MRC2: variants seen among roughly 807,000 people sequenced by gnomAD.
The protein encoded by MRC2 is mannose receptor C-type 2.
MRC2 carries 84 observed loss-of-function variants against 206.2 expected under a neutral mutation model. That is an observed-to-expected ratio of 0.41 (90% CI 0.34 to 0.49). MRC2 has a LOEUF of 0.49. Ranked by LOEUF, MRC2 falls within the 20% of genes least tolerant of loss-of-function variation. MRC2 has a pLI of 0.31. For missense variants in MRC2, 1,676 were observed against 2,001.5 expected, an observed-to-expected ratio of 0.84 and a Z score of 3.10; for synonymous variants, 798 against 800.0, an observed-to-expected ratio of 1.00 and a Z score of 0.04.
rs114906991 is a variant in MRC2 at position 62,655,004 on chromosome 17, G to A, written c.119-9544G>A. Among the ~76,000 whole-genome samples, 914 of 152,312 alleles carry A rather than the reference G, an allele frequency of 6.0e-3. 11 individuals carry two copies. Among genetic ancestry groups the A allele is most frequent in the African/African-American group, 0.02 (847 of 41,564 alleles). The stretch of plus-strand genomic sequence containing the variant: ...ACAAAAAGTAAAAACAATTAGCTGG[G>A]GCTGCGTGCGGTGGCTCACACCTGT... On this transcript the variant is annotated intron_variant, in intron 1 of 29. Transcript: ENST00000303375.
In MRC2 at chr17:62,667,250, C is replaced by A; in HGVS notation, c.974-140C>A. ...GAGGACCCCGTGGTCTGGGGCGGAG[C>A]TGGAGCTGAGCACCAGGCTTCCCGA... On this transcript the variant is annotated intron_variant, in intron 5 of 29. Transcript: ENST00000303375. This position sits in a 1 kb window ranked among gnomAD's most constrained non-coding sequence, Gnocchi z 4.1. The A allele has an allele frequency of 8.8e-7, 1 of 1,137,872 alleles. No homozygotes were observed. Among genetic ancestry groups the A allele is most frequent in the African/African-American group, 1.6e-5 (1 of 64,072 alleles). The allele number at this position is 1,137,872 out of a possible 1,614,324, so 70.5% of individuals were successfully genotyped here. A position where few individuals can be genotyped will look rare whatever the true frequency, so the allele number is the denominator to read the frequency against.
At position 62,690,650 on chromosome 17, in the gene MRC2, G is replaced by A. The variant is rs754120509; in HGVS notation, c.3901G>A (p.Ala1301Thr). 1.2e-6 allele frequency: 2 copies of A among 1,608,164 alleles called. No individual in the cohort carries two copies. Among genetic ancestry groups the A allele is most frequent in the East Asian group, 2.2e-5 (1 of 44,804 alleles). ...ARQRCQRAGGAVLSILDEMEN... is the reference protein window; with the variant it reads ...ARQRCQRAGGTVLSILDEMEN... Reference sequence around the variant, plus strand: ...GCCTTCTTTGCATCCAGCGGGTGGGGCCGTCCTGTCTATCCTGGATGAGAT... The same window carrying A: ...GCCTTCTTTGCATCCAGCGGGTGGGACCGTCCTGTCTATCCTGGATGAGAT... The change falls in exon 27 of 30, where the codon GCC becomes ACC. Residue 1301 changes from alanine (A) to threonine (T), a missense_variant. Ala to Thr is a moderately conservative substitution (Grantham distance 58). Coordinates refer to ENST00000303375, the MANE Select transcript of MRC2 (RefSeq NM_006039.5).
In MRC2 at chr17:62,675,807, C is replaced by G; in HGVS notation, c.1587C>G (p.Ser529Arg). 1 of 1,614,146 alleles carries G rather than the reference C, an allele frequency of 6.2e-7. No individual in the cohort carries two copies. Among genetic ancestry groups the G allele is most frequent in the Non-Finnish European group, 8.5e-7 (1 of 1,179,974 alleles). Residue 529 changes from serine to arginine, a missense_variant, in exon 10 of 30, where the codon AGC becomes AGG. Physicochemically the swap from Ser to Arg is moderately radical, Grantham distance 110. Around this residue, in one of 3 missense-constraint regions of MRC2, gnomAD observed 1,354 missense variants for 1,636.6 expected, o/e 0.83. Transcript: ENST00000303375. This position sits in a 1 kb window ranked among gnomAD's most constrained non-coding sequence, Gnocchi z 4.1. ...TGAGCCAGGGTTGGACGTGGCACAG[C>G]CCATCCTGCTACTGGCTGGGAGAAG... ...HGCRKGWTWH[S>R]PSCYWLGEDQ...
chr17:62,645,520 TATATATA>T (rs372349505), intron 1 of MRC2, among the ~76,000 whole-genome samples: 1,714 of 52,498 alleles, frequency 0.033, 48 homozygotes, highest in Non-Finnish European at 0.045. Context: ...TATATATATA[TATATATA>T]TTTTTTTTTT....
chr17:62,689,551 C>T lies in MRC2; in HGVS notation c.3364C>T (p.Leu1122=), dbSNP rs757428209. 40 of 1,592,222 alleles carry T rather than the reference C, an allele frequency of 2.5e-5. No individual in the cohort carries two copies. The highest frequency in any genetic ancestry group is 2.8e-5 in the Non-Finnish European group (33 of 1,168,938). ...DPSLSPSPAA[L]PPAPGTELSY... ...CTCCCTGAGCCCGTCCCCAGCAGCG[C>T]TGCCCCCCGCCCCGGGCACTGAGCT... The change falls in exon 24 of 30, where the codon CTG becomes TTG. Residue 1122 remains leucine (L), a synonymous_variant. Coordinates refer to ENST00000303375, the MANE Select transcript of MRC2 (RefSeq NM_006039.5).
chr17:62,662,564 A>G (rs1392505715), intron 1 of MRC2, among the ~76,000 whole-genome samples: 1 of 152,232 alleles, frequency 6.6e-6, no homozygotes, highest in Admixed American at 6.5e-5. Context: ...GAAACGGCAT[A>G]GAGAGATGAA....
rs1270605754 is a variant in MRC2, at chr17:62,680,236, G to C, written c.2365G>C (p.Asp789His). ...DDDIRGCAVL[D>H]LASLQWVAMQ... ...CGACATCCGAGGCTGTGCGGTGCTG[G>C]ACCTGGCCTCCCTGCAGTGGGTGGC... Residue 789 changes from aspartate (D) to histidine (H), a missense_variant, in exon 15 of 30, where the codon GAC (aspartate) becomes CAC (histidine). Physicochemically the swap from Asp to His is moderately conservative, Grantham distance 81 (BLOSUM62 -1). Transcript: ENST00000303375. The surrounding 1 kb of genome is among the most constrained non-coding windows in gnomAD (Gnocchi z 4.8). 1 of 1,614,002 alleles carries C rather than the reference G, an allele frequency of 6.2e-7. No individual in the cohort carries two copies. Among genetic ancestry groups the C allele is most frequent in the Non-Finnish European group, 8.5e-7 (1 of 1,180,008 alleles).
In MRC2 at chr17:62,627,837, C is replaced by A; in HGVS notation, c.35C>A (p.Pro12His). 1 of 1,469,728 alleles carries A rather than the reference C, an allele frequency of 6.8e-7. No homozygotes were observed. Among genetic ancestry groups the A allele is most frequent in the Non-Finnish European group, 8.9e-7 (1 of 1,118,684 alleles). The allele number at this position is 1,469,728 out of a possible 1,614,324, so 91.0% of individuals were successfully genotyped here. ...GPGRPAPAPW[P>H]RHLLRCVLLL... ...GGCCGGCCGGCCCCCGCGCCCTGGC[C>A]TCGTCACCTGCTGCGCTGCGTCCTG... Residue 12 changes from proline (P) to histidine (H), a missense_variant, in exon 1 of 30, where the codon CCT becomes CAT. Pro to His is a moderately conservative substitution (Grantham distance 77, BLOSUM62 -2). Around this residue, in one of 3 missense-constraint regions of MRC2, gnomAD observed 318 missense variants for 346.7 expected, o/e 0.92. Coordinates refer to ENST00000303375, the MANE Select transcript of MRC2 (RefSeq NM_006039.5).
intron 1 of MRC2, among the ~76,000 whole-genome samples, chr17:62,628,983 C>T (rs2084193847): frequency 6.6e-6 from 1 of 152,176 alleles, no homozygotes; most frequent in South Asian, 2.1e-4. Flanking sequence ...CCCGTGCTTG[C>T]TGGGTTGGCC....
At chr17:62,633,439 A>C (rs1278930421) in intron 1 of MRC2, among the ~76,000 whole-genome samples, 1 of 145,332 alleles carries the variant, frequency 6.9e-6, no homozygotes, top group Non-Finnish European at 1.5e-5. Flanking sequence ...GGAGGCGGAG[A>C]TTGCAGTGAG....
intron 1 of MRC2, among the ~76,000 whole-genome samples, chr17:62,631,425 T>C (rs2084214963): frequency 6.6e-6 from 1 of 152,120 alleles, no homozygotes; most frequent in African/African-American, 2.4e-5. Context: ...TAGAAGGTGT[T>C]ACCAGTGAGA....
intron 1 of MRC2, among the ~76,000 whole-genome samples, chr17:62,657,247 A>T (rs547556926): frequency 1.6e-4 from 24 of 152,188 alleles, no homozygotes; most frequent in Non-Finnish European, 3.1e-4. Context: ...CTGCCAGACC[A>T]TATGGTGATA....
chr17:62,686,731 A>C (rs79913771), intron 20 of MRC2, among the ~76,000 whole-genome samples: 10,600 of 152,098 alleles, frequency 0.07, 1,239 homozygotes, highest in African/African-American at 0.24. Context: ...TTTAGCTGTC[A>C]CTTCTTGCTG....
chr17:62,682,176 A>G (rs1337285624), intron 19 of MRC2, 59 bp from the exon 20 acceptor site: 12 of 1,466,536 alleles, frequency 8.2e-6, no homozygotes, highest in Non-Finnish European at 1.1e-5. Context: ...GTGTGCTGCC[A>G]GCCATGCCCT....
At chr17:62,658,666 A>G (rs2088645947) in intron 1 of MRC2, among the ~76,000 whole-genome samples, 1 of 152,202 alleles carries the variant, frequency 6.6e-6, no homozygotes, top group African/African-American at 2.4e-5. Flanking sequence ...GAGGAAGATA[A>G]CGTCCTCTTG....
At chr17:62,662,357 G>T (rs577049051) in intron 1 of MRC2, among the ~76,000 whole-genome samples, 47 of 152,138 alleles carry the variant, frequency 3.1e-4, no homozygotes, top group Non-Finnish European at 5.7e-4. Flanking sequence ...GGACCCAGGA[G>T]ATGAGGGCCA....
chr17:62,681,886 C>T lies in MRC2; in HGVS notation c.2752C>T (p.Pro918Ser), dbSNP rs1172545764. 3 of 1,613,990 alleles carry T rather than the reference C, an allele frequency of 1.9e-6. No individual in the cohort carries two copies. Among genetic ancestry groups the T allele is most frequent in the Admixed American group, 3.3e-5 (2 of 59,988 alleles). The change falls in exon 19 of 30, where the codon CCT becomes TCT. Residue 918 changes from proline (P) to serine (S), a missense_variant. By Grantham distance (74) the Pro-to-Ser change is moderately conservative. Transcript: ENST00000303375. Reference protein sequence around the residue: ...INFISWAPGKPRPVGKDKKCV... With the variant: ...INFISWAPGKSRPVGKDKKCV... ...CTTCATCTCCTGGGCACCAGGCAAA[C>T]CTCGGCCTGTCGGCAAGGACAAGAA...
chr17:62,682,342 G>T lies in MRC2; in HGVS notation c.2911G>T (p.Gly971Cys), dbSNP rs1429861463. Residue 971 changes from glycine to cysteine, a missense_variant, in exon 20 of 30, where the codon GGC (glycine) becomes TGC (cysteine). Transcript: ENST00000303375. Reference sequence around the variant, plus strand: ...AGACCTGCCAACTACAGCCCTGGGGGGCTGCCCCTCTGACTGGATCCAGTT... The same window carrying T: ...AGACCTGCCAACTACAGCCCTGGGGTGCTGCCCCTCTGACTGGATCCAGTT... Reference protein sequence around the residue: ...PPDLPTTALGGCPSDWIQFLN... With the variant: ...PPDLPTTALGCCPSDWIQFLN... 6.2e-7 allele frequency: 1 copy of T among 1,606,932 alleles called. No homozygotes were observed. Among genetic ancestry groups the T allele is most frequent in the Non-Finnish European group, 8.5e-7 (1 of 1,177,286 alleles).
intron 20 of MRC2, among the ~76,000 whole-genome samples, chr17:62,686,408 G>GCGC (rs2089032705): frequency 6.6e-6 from 1 of 152,006 alleles, no homozygotes; most frequent in Non-Finnish European, 1.5e-5. Flanking sequence ...AGCTGAGATT[G>GCGC]CGCCATTGCA....
Sources: allele counts gnomAD v4.1 joint callset (sites outside exome capture counted in the v4.1 genomes callset), GRCh38; gene constraint gnomAD v4.1.1; regional missense constraint gnomAD v4.1.1; non-coding constraint Gnocchi (gnomAD v3.1); transcripts MANE v1.5; gene names NCBI Gene and HGNC (gene_info 2026-07-23, HGNC 2026-07-21).